Variants in TENM3 observed in about 807,000 individuals in gnomAD.
TENM3 encodes the protein teneurin-3.
A neutral mutation model predicts 255.1 loss-of-function variants in TENM3; 63 were observed. The observed-to-expected ratio is 0.25, with a 90% confidence interval of 0.20 to 0.30. The LOEUF (loss-of-function observed/expected upper bound fraction) is 0.30, where lower values mean the gene tolerates loss of function less well. Ranked by LOEUF, TENM3 falls within the 10% of genes least tolerant of loss-of-function variation. The pLI is 1.00. For synonymous variants in TENM3, 1,306 were observed against 1,322.3 expected, an observed-to-expected ratio of 0.99 and a Z score of 0.27; for missense variants, 2,929 against 3,461.1, an observed-to-expected ratio of 0.85 and a Z score of 3.86.
intron 3 of TENM3, among the ~76,000 whole-genome samples, chr4:182,396,236 C>T (rs567102576): frequency 2.0e-5 from 3 of 152,256 alleles, no homozygotes; most frequent in Admixed American, 2.0e-4. Context: ...CCAGGCTGCC[C>T]CTGTCTTTCT....
At chr4:181,627,897 T>C in the TENM3 span, among the ~76,000 whole-genome samples, 4 of 152,218 alleles carry the variant, frequency 2.6e-5, no homozygotes, top group East Asian at 3.9e-4. Flanking sequence ...TTCTAGATCC[T>C]TGAGGAATCC....
At chr4:182,694,324 G>A (rs1009912768) in intron 12 of TENM3, among the ~76,000 whole-genome samples, 12 of 151,876 alleles carry the variant, frequency 7.9e-5, no homozygotes, top group African/African-American at 2.9e-4. Flanking sequence ...TGCCCAGGCG[G>A]GCTGGTCTCA....
At chr4:182,341,489 A>G (rs1764484995) in intron 2 of TENM3, among the ~76,000 whole-genome samples, 1 of 152,188 alleles carries the variant, frequency 6.6e-6, no homozygotes, top group South Asian at 2.1e-4. Flanking sequence ...CTTAAAATAT[A>G]TACAAACGAG....
the TENM3 span, among the ~76,000 whole-genome samples, chr4:181,689,768 G>A: frequency 6.6e-6 from 1 of 152,094 alleles, no homozygotes; most frequent in South Asian, 2.1e-4. Context: ...AGGTTTGATG[G>A]ACTGAAAAAG....
At chr4:181,792,165 A>G in the TENM3 span, among the ~76,000 whole-genome samples, 2 of 152,368 alleles carry the variant, frequency 1.3e-5, no homozygotes, top group South Asian at 4.1e-4. Flanking sequence ...AAGTGAAGTC[A>G]CAATGTAACA....
At chr4:181,874,884 T>C in the TENM3 span, among the ~76,000 whole-genome samples, 1 of 152,218 alleles carries the variant, frequency 6.6e-6, no homozygotes, top group Admixed American at 6.5e-5. Context: ...AGGACAAATA[T>C]AGAGTTCCCT....
the TENM3 span, among the ~76,000 whole-genome samples, chr4:181,559,215 T>A: frequency 4.6e-5 from 7 of 152,180 alleles, no homozygotes; most frequent in African/African-American, 1.7e-4. Context: ...TAAAATGTGT[T>A]TCTTCTGATT....
chr4:182,008,562 G>A, the TENM3 span, among the ~76,000 whole-genome samples: 8 of 151,766 alleles, frequency 5.3e-5, no homozygotes, highest in South Asian at 2.1e-4. Context: ...TGAAATTCTC[G>A]TGCTATGTTT....
At chr4:181,756,785 C>T in the TENM3 span, among the ~76,000 whole-genome samples, 1 of 152,204 alleles carries the variant, frequency 6.6e-6, no homozygotes, top group Admixed American at 6.5e-5. Context: ...ATTCTCCTGT[C>T]TAGGGCATTC....
intron 11 of TENM3, among the ~76,000 whole-genome samples, chr4:182,684,060 G>A (rs917517613): frequency 2.6e-5 from 4 of 151,694 alleles, no homozygotes; most frequent in Non-Finnish European, 5.9e-5. Context: ...GGGAGGCAAT[G>A]GAAGAGAAGT....
intron 3 of TENM3, among the ~76,000 whole-genome samples, chr4:182,416,198 A>G (rs1012341350): frequency 8.5e-5 from 13 of 152,160 alleles, no homozygotes; most frequent in African/African-American, 3.1e-4. Flanking sequence ...CATATCCATA[A>G]TATGTTTTTA....
At chr4:182,597,453 T>A (rs1747374131) in intron 3 of TENM3, among the ~76,000 whole-genome samples, 1 of 152,090 alleles carries the variant, frequency 6.6e-6, no homozygotes, top group Non-Finnish European at 1.5e-5. Flanking sequence ...TATCTCTATT[T>A]TCAGTAACAG....
chr4:181,654,193 T>C, the TENM3 span, among the ~76,000 whole-genome samples: 1 of 148,880 alleles, frequency 6.7e-6, no homozygotes, highest in Admixed American at 6.7e-5. Flanking sequence ...GTCAATTCTA[T>C]GCGATAAACC....
At chr4:182,732,051 G>A (rs972079700) in intron 16 of TENM3, among the ~76,000 whole-genome samples, 1 of 151,916 alleles carries the variant, frequency 6.6e-6, no homozygotes. Context: ...AAAGTGCTGG[G>A]ATTACAGGTG....
chr4:181,975,790 G>A, the TENM3 span: 1 of 152,154 alleles, frequency 6.6e-6, no homozygotes, highest in East Asian at 1.9e-4. Flanking sequence ...GACTGCATAT[G>A]GAATGTAAGA....
At chr4:182,005,574 A>T in the TENM3 span, among the ~76,000 whole-genome samples, 1 of 152,118 alleles carries the variant, frequency 6.6e-6, no homozygotes, top group African/African-American at 2.4e-5. Context: ...TTCCATATGA[A>T]ATTTAAAATA....
At chr4:182,759,043 G>C (rs552208434) in intron 22 of TENM3, among the ~76,000 whole-genome samples, 1 of 152,266 alleles carries the variant, frequency 6.6e-6, no homozygotes, top group Non-Finnish European at 1.5e-5. Flanking sequence ...TTTGCCTACT[G>C]ATAAAAATAC....
the TENM3 span, among the ~76,000 whole-genome samples, chr4:181,667,169 T>C: frequency 6.6e-6 from 1 of 152,150 alleles, no homozygotes; most frequent in African/African-American, 2.4e-5. Context: ...CTACACAAAA[T>C]GCTCCTCATT....
At chr4:181,875,546 T>A in the TENM3 span, among the ~76,000 whole-genome samples, 1 of 152,046 alleles carries the variant, frequency 6.6e-6, no homozygotes. Context: ...ACACAAACCA[T>A]ACTTTTATTA....
Sources: allele counts gnomAD v4.1 joint callset (sites outside exome capture counted in the v4.1 genomes callset), GRCh38; gene constraint gnomAD v4.1.1; transcripts MANE v1.5; gene names NCBI Gene and HGNC (gene_info 2026-07-23, HGNC 2026-07-21).